The following NPFFR2 variants were observed in gnomAD, a reference collection of about 807,000 sequenced individuals.
NPFFR2 encodes G-protein coupled receptor 74.
In NPFFR2, 15 loss-of-function variants were observed where a neutral mutation model predicts 13.1. The ratio of observed to expected loss-of-function variants is 1.15; its 90% confidence interval spans 0.77 to 1.76. NPFFR2 has a LOEUF of 1.76. Among genes scored for constraint, NPFFR2 ranks in the 40% most tolerant of loss-of-function variants. The pLI, the probability that NPFFR2 is intolerant of heterozygous loss-of-function variation, is 0.00. For missense variants in NPFFR2, 572 were observed against 503.5 expected (o/e 1.14, Z -1.30); for synonymous variants, 190 against 175.7 (o/e 1.08, Z -0.65).
chr4:72,103,355 C>T (rs945123999), intron 1 of NPFFR2, among the ~76,000 whole-genome samples: 1 of 152,102 alleles, frequency 6.6e-6, no homozygotes, highest in Non-Finnish European at 1.5e-5. Flanking sequence ...ATATAAATGG[C>T]TGTCAAAAGA....
chr4:72,143,352 C>T (rs181010101), intron 3 of NPFFR2, among the ~76,000 whole-genome samples: 88 of 152,218 alleles, frequency 5.8e-4, no homozygotes, highest in African/African-American at 2.1e-3. Context: ...CTAGGGATAG[C>T]CAATTGTGCA....
At chr4:72,091,403 G>T (rs1226296353) in intron 1 of NPFFR2, among the ~76,000 whole-genome samples, 1 of 152,042 alleles carries the variant, frequency 6.6e-6, no homozygotes, top group Non-Finnish European at 1.5e-5. Context: ...CAATAGGATT[G>T]GTACTAATTC....
intron 1 of NPFFR2, among the ~76,000 whole-genome samples, chr4:72,110,111 A>G (rs115317397): frequency 0.013 from 2,026 of 152,048 alleles, 56 homozygotes; most frequent in African/African-American, 0.046. Context: ...CCCACAAGTC[A>G]TGGGAGGTGC....
chr4:72,127,574 A>G (rs1460555315), intron 1 of NPFFR2, among the ~76,000 whole-genome samples: 2 of 147,746 alleles, frequency 1.4e-5, no homozygotes, highest in South Asian at 2.2e-4. Flanking sequence ...CGTGTTAGCC[A>G]GGATGGTCTC....
intron 1 of NPFFR2, among the ~76,000 whole-genome samples, chr4:72,089,958 T>C (rs4518213): frequency 0.95 from 144,890 of 152,192 alleles, 69,404 homozygotes; most frequent in East Asian, 1. Context: ...GGTTTCAGGT[T>C]TCAGATTTAA....
intron 1 of NPFFR2, among the ~76,000 whole-genome samples, chr4:72,040,151 T>C (rs750702519): frequency 2.0e-5 from 3 of 152,196 alleles, no homozygotes; most frequent in Non-Finnish European, 2.9e-5. Flanking sequence ...ATCATGCACA[T>C]TTAAAATATT....
At chr4:72,142,900 C>T (rs868205074) in intron 3 of NPFFR2, among the ~76,000 whole-genome samples, 8 of 152,102 alleles carry the variant, frequency 5.3e-5, no homozygotes, top group South Asian at 2.1e-4. Context: ...TACAATCTGG[C>T]GGAGCAGGCA....
intron 1 of NPFFR2, among the ~76,000 whole-genome samples, chr4:72,080,537 C>A (rs1720587391): frequency 6.6e-6 from 1 of 152,120 alleles, no homozygotes; most frequent in South Asian, 2.1e-4. Flanking sequence ...GTTTCATGGA[C>A]CTGCAGCTTT....
intron 1 of NPFFR2, among the ~76,000 whole-genome samples, chr4:72,063,797 T>C (rs2109777119): frequency 6.6e-6 from 1 of 152,322 alleles, no homozygotes; most frequent in African/African-American, 2.4e-5. Context: ...CTATAATGTG[T>C]TAGCCATTCT....
chr4:72,055,746 T>G (rs1431653375), intron 1 of NPFFR2, among the ~76,000 whole-genome samples: 2 of 151,934 alleles, frequency 1.3e-5, no homozygotes, highest in East Asian at 3.9e-4. Flanking sequence ...GCTGCTCCAG[T>G]GAATACATGA....
intron 1 of NPFFR2, among the ~76,000 whole-genome samples, chr4:72,063,368 C>T (rs1480186371): frequency 6.6e-6 from 1 of 152,126 alleles, no homozygotes; most frequent in Non-Finnish European, 1.5e-5. Context: ...TAACTTGCTG[C>T]CTACGTCGAA....
At chr4:72,132,743 T>C (rs1387672864) in intron 2 of NPFFR2, among the ~76,000 whole-genome samples, 1 of 152,082 alleles carries the variant, frequency 6.6e-6, no homozygotes, top group Non-Finnish European at 1.5e-5. Context: ...ATTTCTCTAA[T>C]ATTCAGTGAT....
chr4:72,043,485 G>A (rs998870629), intron 1 of NPFFR2, among the ~76,000 whole-genome samples: 11 of 152,254 alleles, frequency 7.2e-5, no homozygotes, highest in Non-Finnish European at 1.2e-4. Context: ...TGTGCCCTGC[G>A]AAGCCACAGG....
At chr4:72,091,540 ACTT>A (rs1720917837) in intron 1 of NPFFR2, among the ~76,000 whole-genome samples, 1 of 151,932 alleles carries the variant, frequency 6.6e-6, no homozygotes, top group Admixed American at 6.6e-5. Context: ...CAGTGTTTCT[ACTT>A]CTTCTGGTTT....
In NPFFR2 at chr4:72,056,355, G is replaced by A. The variant is rs184121803; in HGVS notation, c.-8+24155G>A. Among the ~76,000 whole-genome samples the A allele has an allele frequency of 2.0e-4, 31 of 152,048 alleles. 2 individuals carry two copies. The East Asian group carries it at 6.0e-3, about 29-fold the overall frequency. ...TGACAGCACTTCTGTTTACAGCATG[G>A]TGTACTCTATACTTTCAGCCCACTA... On this transcript the variant is annotated intron_variant, in intron 1 of 3. Transcript: ENST00000308744.
Position 72,147,884 on chromosome 4 carries a change from C to A in NPFFR2, c.*72C>A. 8.7e-7 allele frequency: 1 copy of A among 1,152,754 alleles called. No homozygotes were observed. The highest frequency in any genetic ancestry group is 1.2e-6 in the Non-Finnish European group (1 of 848,264). The allele number at this position is 1,152,754 out of a possible 1,614,324, so 71.4% of individuals were successfully genotyped here. ...AAATCCATTGCTTTTTGTGGCTTTG[C>A]ACTTCAAATTTTTCAAAGAATGTTC... On this transcript the variant is annotated 3_prime_UTR_variant, in exon 4 of 4. Coordinates refer to ENST00000308744, the MANE Select transcript of NPFFR2 (RefSeq NM_004885.3).
intron 1 of NPFFR2, among the ~76,000 whole-genome samples, chr4:72,100,828 A>G (rs555724106): frequency 6.6e-6 from 1 of 152,138 alleles, no homozygotes; most frequent in South Asian, 2.1e-4. Context: ...TAGACTTCAG[A>G]AATTTCTTGT....
chr4:72,089,050 A>AG (rs1236121456), intron 1 of NPFFR2, among the ~76,000 whole-genome samples: 7 of 152,074 alleles, frequency 4.6e-5, no homozygotes, highest in African/African-American at 1.7e-4. Context: ...CTCATAGCTT[A>AG]GCTCCCACTT....
intron 1 of NPFFR2, among the ~76,000 whole-genome samples, chr4:72,062,210 G>A (rs1027000061): frequency 2.0e-5 from 3 of 151,936 alleles, no homozygotes; most frequent in Admixed American, 6.6e-5. Context: ...TTTACATAAA[G>A]GACACTCATC....
Sources: gnomAD v4.1 joint callset for allele counts (sites outside exome capture counted in the v4.1 genomes callset) on GRCh38, gnomAD v4.1.1 for gene constraint, MANE v1.5 for transcripts, NCBI Gene and HGNC (gene_info 2026-07-23, HGNC 2026-07-21) for gene names.